ERCC6: variants seen among roughly 807,000 people sequenced by gnomAD.
The protein encoded by ERCC6 is ERCC excision repair 6, chromatin remodeling factor, also known as DNA excision repair protein ERCC-6.
ERCC6 carries 116 observed loss-of-function variants against 158.7 expected under a neutral mutation model. The ratio of observed to expected loss-of-function variants is 0.73; its 90% confidence interval spans 0.63 to 0.85. The LOEUF (loss-of-function observed/expected upper bound fraction) is 0.85, where lower values mean the gene tolerates loss of function less well. Among genes scored for constraint, ERCC6 ranks in the 40% least tolerant of loss-of-function variants. The pLI, the probability that ERCC6 is intolerant of heterozygous loss-of-function variation, is 0.00. For synonymous variants in ERCC6, 678 were observed against 659.3 expected (o/e 1.03, Z -0.43); for missense variants, 1,698 against 1,799.4 (o/e 0.94, Z 1.02).
rs1282336499 is a variant in ERCC6, at chr10:49,526,420, TTTTG to T, written c.653-1647_653-1644del. 7.2e-5 allele frequency among the ~76,000 whole-genome samples: 11 copies of T among 151,976 alleles called. No individual in the cohort carries two copies. The East Asian group carries it at 9.6e-4, about 13-fold the overall frequency. On this transcript the variant is annotated intron_variant, in intron 4 of 20. Coordinates refer to ENST00000355832, the MANE Select transcript of ERCC6 (RefSeq NM_000124.4). ...GGAAGTGTTCCAGTCTTTCGCCCATTTTTGTTTGTCTGTTTCTTTAAATGATTTC... is the reference window on the plus strand; with the variant it reads ...GGAAGTGTTCCAGTCTTTCGCCCATTTTTGTCTGTTTCTTTAAATGATTTC...
At chr10:49,451,916 T>TTA (rs1031271921), downstream of ERCC6, among the ~76,000 whole-genome samples, 5 of 152,194 alleles carry the variant, frequency 3.3e-5, no homozygotes, top group African/African-American at 1.2e-4. Context: ...TGTTCACTAG[T>TTA]TATAGGTCTA....
At chr10:49,464,361 G>A (rs988681714) in intron 18 of ERCC6, among the ~76,000 whole-genome samples, 3 of 152,204 alleles carry the variant, frequency 2.0e-5, no homozygotes, top group Non-Finnish European at 2.9e-5. Flanking sequence ...GGTGACATGG[G>A]TGTTGTTAAA....
rs1287620443 is a variant in ERCC6 at position 49,486,167 on chromosome 10, T to C, written c.1822-2651A>G. On this transcript the variant is annotated intron_variant, in intron 8 of 20. Coordinates refer to ENST00000355832, the MANE Select transcript of ERCC6 (RefSeq NM_000124.4). Reference sequence around the variant, plus strand: ...AACACAAAAGCAGGGCCCTTAGAGCTGTCAAAATGACACATCCACAGCCTA... The same window carrying C: ...AACACAAAAGCAGGGCCCTTAGAGCCGTCAAAATGACACATCCACAGCCTA... 4.6e-5 allele frequency among the ~76,000 whole-genome samples: 7 copies of C among 152,294 alleles called. No homozygotes were observed. In the East Asian group the frequency reaches 1.3e-3, roughly 29 times the overall value.
At chr10:49,515,767 G>C (rs1346814627) in intron 5 of ERCC6, 1 of 1,613,998 alleles carries the variant, frequency 6.2e-7, no homozygotes, top group Non-Finnish European at 8.5e-7. Flanking sequence ...ATCATGTTTG[G>C]CTGCTGAACT....
chr10:49,515,596 C>T (rs1251971094), intron 5 of ERCC6: 1 of 1,614,074 alleles, frequency 6.2e-7, no homozygotes, highest in Admixed American at 1.7e-5. Context: ...ACTGGTTTCT[C>T]ATCATATGTT....
At position 49,470,771 on chromosome 10, in the gene ERCC6, T is replaced by C. The variant is rs201871784; in HGVS notation, c.3189A>G (p.Val1063=). Reference sequence around the variant, plus strand: ...TCTCTTCAGATGATGTGGCATCATTTACAGATATGTTAGAAGCAGGGAACT... The same window carrying C: ...TCTCTTCAGATGATGTGGCATCATTCACAGATATGTTAGAAGCAGGGAACT... ...RKKFPASNIS[V]NDATSSEEKS... is the part of the protein sequence containing the mutation. Residue 1063 remains valine, a synonymous_variant, in exon 18 of 21, where the codon GTA becomes GTG. Coordinates refer to ENST00000355832, the MANE Select transcript of ERCC6 (RefSeq NM_000124.4). The C allele has an allele frequency of 3.2e-5, 51 of 1,614,082 alleles. No homozygotes were observed. In the Admixed American group the frequency reaches 8.3e-4, roughly 26 times the overall value.
chr10:49,497,882 T>C (rs1406892266), intron 7 of ERCC6, among the ~76,000 whole-genome samples: 3 of 152,178 alleles, frequency 2.0e-5, no homozygotes, highest in Non-Finnish European at 4.4e-5. Context: ...ACCCAGAACT[T>C]ACCAGGAACT....
Position 49,470,709 on chromosome 10 carries a change from G to A in ERCC6, c.3251C>T (p.Thr1084Ile). 4.3e-6 allele frequency: 7 copies of A among 1,614,098 alleles called. No individual in the cohort carries two copies. Among genetic ancestry groups the A allele is most frequent in the Non-Finnish European group, 5.9e-6 (7 of 1,180,038 alleles). Residue 1084 changes from threonine (T) to isoleucine (I), a missense_variant, in exon 18 of 21, where the codon ACT becomes ATT. Coordinates refer to ENST00000355832, the MANE Select transcript of ERCC6 (RefSeq NM_000124.4). Reference sequence around the variant, plus strand: ...TTTCAAAGGATCACTTCGATTAGAAGTTACTGCATTTACTTCAGCTCCTTT... The same window carrying A: ...TTTCAAAGGATCACTTCGATTAGAAATTACTGCATTTACTTCAGCTCCTTT... ...EAKGAEVNAV[T>I]SNRSDPLKDD...
At chr10:49,511,772 T>C (rs1836822712) in intron 5 of ERCC6, among the ~76,000 whole-genome samples, 1 of 152,168 alleles carries the variant, frequency 6.6e-6, no homozygotes, top group Admixed American at 6.6e-5. Context: ...GCTCCAGTGG[T>C]GGTCACTAGA....
intron 5 of ERCC6, chr10:49,515,277 A>T: frequency 6.5e-7 from 1 of 1,539,446 alleles, no homozygotes; most frequent in Non-Finnish European, 8.7e-7. Context: ...AACCACTGCT[A>T]CACTGTACAT....
chr10:49,457,417 C>A lies in ERCC6; in HGVS notation c.*1398G>T, dbSNP rs1590394604. On this transcript the variant is annotated 3_prime_UTR_variant, in exon 21 of 21. Transcript: ENST00000355832. ...ATAGAACATCTCTAAGAAAAGGATT[C>A]TTGGCTTAAGCAAAATATTAGAGCA... is the stretch of plus-strand genomic sequence containing the variant. 1 of 152,270 alleles carries A rather than the reference C, an allele frequency of 6.6e-6. No homozygotes were observed. Among genetic ancestry groups the A allele is most frequent in the East Asian group, 1.9e-4 (1 of 5,186 alleles). The allele number at this position is 152,270 out of a possible 1,614,324, so 9.4% of individuals were successfully genotyped here.
intron 12 of ERCC6, chr10:49,475,311 T>C (rs933368109): frequency 3.2e-5 from 12 of 375,432 alleles, no homozygotes; most frequent in African/African-American, 2.1e-4. Flanking sequence ...AAAATATATA[T>C]CAAAATTAAT....
chr10:49,460,945 T>C (rs558457913), intron 19 of ERCC6, among the ~76,000 whole-genome samples: 3 of 152,014 alleles, frequency 2.0e-5, no homozygotes, highest in Admixed American at 6.5e-5. Context: ...CCACTCAGTA[T>C]CTTGTTCAAA....
the ERCC6 span, among the ~76,000 whole-genome samples, chr10:49,436,163 T>C: frequency 6.6e-6 from 1 of 152,082 alleles, no homozygotes; most frequent in Admixed American, 6.6e-5. Context: ...ACAAATGAAA[T>C]TGAACCTCTA....
At chr10:49,476,174 G>C in intron 12 of ERCC6, 41 bp downstream of exon 12, 1 of 1,365,220 alleles carries the variant, frequency 7.3e-7, no homozygotes. Context: ...CACTTCTCTT[G>C]GTCCACAATT....
chr10:49,539,080 A>T lies in ERCC6; in HGVS notation c.-133T>A, dbSNP rs1837678041. Reference sequence around the variant, plus strand: ...CAGCTCAACCATAGACACCGCCCCCAACAGCGACTCCGACTTCTGCTGGTG... The same window carrying T: ...CAGCTCAACCATAGACACCGCCCCCTACAGCGACTCCGACTTCTGCTGGTG... On this transcript the variant is annotated 5_prime_UTR_variant, in exon 1 of 21. Coordinates refer to ENST00000355832, the MANE Select transcript of ERCC6 (RefSeq NM_000124.4). The T allele has an allele frequency of 6.6e-6, 1 of 152,248 alleles. No individual in the cohort carries two copies. Among genetic ancestry groups the T allele is most frequent in the Non-Finnish European group, 1.5e-5 (1 of 68,106 alleles). 9.4% of individuals were successfully genotyped at this position (152,248 alleles called of 1,614,324 possible). A position where few individuals can be genotyped will look rare whatever the true frequency, so the allele number is the denominator to read the frequency against.
At chr10:49,534,752 C>T (rs1460234332) in intron 1 of ERCC6, among the ~76,000 whole-genome samples, 2 of 152,162 alleles carry the variant, frequency 1.3e-5, no homozygotes, top group Non-Finnish European at 2.9e-5. Context: ...ATCAGTCTTG[C>T]TTTTTGTTTA....
chr10:49,536,148 G>A (rs1192285732), intron 1 of ERCC6, among the ~76,000 whole-genome samples: 1 of 152,172 alleles, frequency 6.6e-6, no homozygotes, highest in African/African-American at 2.4e-5. Flanking sequence ...TGGAGCGATA[G>A]GGCCAAAAAC....
the ERCC6 span, among the ~76,000 whole-genome samples, chr10:49,442,689 G>A: frequency 6.6e-6 from 1 of 152,168 alleles, no homozygotes; most frequent in African/African-American, 2.4e-5. Context: ...GACCATGCTG[G>A]GGGCAGGTGG....
Sources: allele counts gnomAD v4.1 joint callset (sites outside exome capture counted in the v4.1 genomes callset), GRCh38; gene constraint gnomAD v4.1.1; transcripts MANE v1.5; gene names NCBI Gene and HGNC (gene_info 2026-07-23, HGNC 2026-07-21).